Variants in THRA observed in about 807,000 individuals in gnomAD.
The protein encoded by THRA is thyroid hormone receptor alpha, also known as EAR-7.
THRA carries 13 observed loss-of-function variants against 45.0 expected under a neutral mutation model. The observed-to-expected ratio is 0.29, with a 90% CI of 0.19 to 0.46. The LOEUF is 0.46. Ranked by LOEUF, THRA falls within the 20% of genes least tolerant of loss-of-function variation. THRA has a pLI of 1.00. For missense variants in THRA, 278 were observed against 556.1 expected (o/e 0.50, Z 5.03); for synonymous variants, 195 against 214.0 (o/e 0.91, Z 0.78).
At chr17:40,062,852 C>A (rs770437223), upstream of THRA, 897 of 145,090 alleles carry the variant, frequency 6.2e-3, 4 homozygotes, top group Non-Finnish European at 0.01. Flanking sequence ...CCGGGCGCGC[C>A]GAGCCCGAGC....
chr17:40,076,783 G>A, intron 2 of THRA, 88 bp from the exon 3 acceptor site: 1 of 1,385,596 alleles, frequency 7.2e-7, no homozygotes, highest in South Asian at 1.2e-5. Context: ...GAAAGAATCA[G>A]GCCTTGGGGG....
At chr17:40,065,496 CTTGT>C (rs945157236) in intron 1 of THRA, among the ~76,000 whole-genome samples, 11 of 152,172 alleles carry the variant, frequency 7.2e-5, no homozygotes, top group Non-Finnish European at 1.6e-4. Flanking sequence ...TCTCTCTCTC[CTTGT>C]TTCTCTGCCA....
intron 4 of THRA, among the ~76,000 whole-genome samples, chr17:40,082,651 C>G (rs139941206): frequency 6.6e-6 from 1 of 152,032 alleles, no homozygotes; most frequent in South Asian, 2.1e-4. Context: ...CATGAGCCAC[C>G]GCGCCCGGCC....
rs139941206 is a variant in THRA at position 40,082,651 on chromosome 17, C to T, written c.223-1184C>T. On this transcript the variant is annotated intron_variant, in intron 4 of 8. Coordinates refer to ENST00000450525, the MANE Select transcript of THRA (RefSeq NM_199334.5). ...TGCTGGGATTACAGGCATGAGCCAC[C>T]GCGCCCGGCCAAGGGGTGGACCCCG... 1.9e-3 allele frequency among the ~76,000 whole-genome samples: 290 copies of T among 152,138 alleles called. 1 individual carries two copies. The highest frequency in any genetic ancestry group is 6.5e-3 in the African/African-American group (270 of 41,520).
At position 40,083,827 on chromosome 17, in the gene THRA, C is replaced by T. The variant is rs78020205; in HGVS notation, c.223-8C>T. On this transcript the variant is annotated splice_polypyrimidine_tract_variant and splice_region_variant and intron_variant, in intron 4 of 8. Coordinates refer to ENST00000450525, the MANE Select transcript of THRA (RefSeq NM_199334.5). ...TGATCACAGCCTGCTCCATCTCCCC[C>T]ACCCCAGGGCTTCTTTCGCCGCACA... 5,026 of 1,592,578 alleles carry T rather than the reference C, an allele frequency of 3.2e-3. 150 individuals are homozygous for T. In the African/African-American group the frequency reaches 0.061, roughly 19 times the overall value.
At chr17:40,067,935 G>A (rs1285842058) in intron 1 of THRA, among the ~76,000 whole-genome samples, 2 of 152,192 alleles carry the variant, frequency 1.3e-5, no homozygotes, top group Non-Finnish European at 1.5e-5. Context: ...CCGGAGGATC[G>A]CTTAAGCCTG....
At chr17:40,085,637 T>C (rs1415693650) in intron 6 of THRA, among the ~76,000 whole-genome samples, 1 of 149,372 alleles carries the variant, frequency 6.7e-6, no homozygotes, top group Non-Finnish European at 1.5e-5. Flanking sequence ...GCCCACCCTC[T>C]ATGAATAATT....
rs1015613757 is a variant in THRA at position 40,089,079 on chromosome 17, C to T, written c.983-127C>T. On this transcript the variant is annotated intron_variant, in intron 8 of 8. Transcript: ENST00000450525. The surrounding 1 kb of genome is among the most constrained non-coding windows in gnomAD (Gnocchi z 6.1). ...GTCTCTCAGGGGGAGCTTCTCCCCT[C>T]CCCTCCCCCAGCCTCTCTGCCTCTA... 2.9e-5 allele frequency: 25 copies of T among 877,010 alleles called. No individual in the cohort carries two copies. Among genetic ancestry groups the T allele is most frequent in the Non-Finnish European group, 4.2e-5 (24 of 573,816 alleles). The allele number at this position is 877,010 out of a possible 1,614,324, so 54.3% of individuals were successfully genotyped here. A position where few individuals can be genotyped will look rare whatever the true frequency, so the allele number is the denominator to read the frequency against.
At chr17:40,084,840 G>T in intron 6 of THRA, 25 bp downstream of exon 6, 1 of 1,611,306 alleles carries the variant, frequency 6.2e-7, no homozygotes, top group South Asian at 1.1e-5. Context: ...GGCATGGGGA[G>T]AGCAGTAGCC....
rs1411379722 is a variant in THRA, at chr17:40,066,673, AAAAAAAAAAAAGAAAAAC to A, written c.-298+3588_-298+3605del. 4.6e-4 allele frequency among the ~76,000 whole-genome samples: 58 copies of A among 126,408 alleles called. 1 individual carries two copies. The highest frequency in any genetic ancestry group is 9.9e-4 in the South Asian group (4 of 4,056). The allele number at this position is 126,408 out of a possible 152,430, so 82.9% of individuals were successfully genotyped here. ...AGCGAGACTCCGTCTCAAAAAAAAA[AAAAAAAAAAAAGAAAAAC>A]AAAAAAGAACAAGGCATTATCTATC... is the stretch of plus-strand genomic sequence containing the variant. On this transcript the variant is annotated intron_variant, in intron 1 of 8. Coordinates refer to ENST00000450525, the MANE Select transcript of THRA (RefSeq NM_199334.5).
chr17:40,065,778 G>T (rs892162028), intron 1 of THRA, among the ~76,000 whole-genome samples: 3 of 152,072 alleles, frequency 2.0e-5, no homozygotes, highest in South Asian at 4.2e-4. Flanking sequence ...GGGAAGGGGG[G>T]GGGGGTCAGC....
chr17:40,082,216 T>C (rs1987162211), intron 4 of THRA, among the ~76,000 whole-genome samples: 1 of 144,830 alleles, frequency 6.9e-6, no homozygotes. Flanking sequence ...CCTTTTTTTT[T>C]TTTTTTTTTT....
intron 1 of THRA, among the ~76,000 whole-genome samples, chr17:40,064,937 A>G (rs1334179175): frequency 2.0e-5 from 3 of 152,208 alleles, no homozygotes; most frequent in Non-Finnish European, 4.4e-5. Flanking sequence ...ACACAACTGC[A>G]GCCTGTGCAG....
chr17:40,085,069 C>T (rs563952345), intron 6 of THRA, among the ~76,000 whole-genome samples: 2 of 152,310 alleles, frequency 1.3e-5, no homozygotes, highest in African/African-American at 2.4e-5. Context: ...GGAGCGGGAG[C>T]GACCTTTCTT....
intron 1 of THRA, among the ~76,000 whole-genome samples, chr17:40,067,674 G>A (rs1986620164): frequency 1.3e-5 from 2 of 152,154 alleles, no homozygotes; most frequent in Non-Finnish European, 2.9e-5. Context: ...GACAATGGGA[G>A]GATACCCTGT....
In THRA at chr17:40,085,426, T is replaced by TGGGTTCAAGCGATTCTCCC. The variant is rs1567654379; in HGVS notation, c.576+613_576+631dup. 2.1e-5 allele frequency among the ~76,000 whole-genome samples: 3 copies of TGGGTTCAAGCGATTCTCCC among 146,164 alleles called. No individual in the cohort carries two copies. The East Asian group carries it at 6.3e-4, about 30-fold the overall frequency. ...TCGGCTCACCGCAACCTCCGCCTCC[T>TGGGTTCAAGCGATTCTCCC]GGGTTCAAGCGATTCTCCCGCCTCC... On this transcript the variant is annotated intron_variant, in intron 6 of 8. Transcript: ENST00000450525.
chr17:40,078,217 G>A (rs891089052), intron 4 of THRA, among the ~76,000 whole-genome samples: 1 of 152,240 alleles, frequency 6.6e-6, no homozygotes, highest in Admixed American at 6.5e-5. Flanking sequence ...TGTGGCTCAT[G>A]CCTAAAATCC....
intron 1 of THRA, among the ~76,000 whole-genome samples, chr17:40,067,934 C>T (rs1986630158): frequency 6.6e-6 from 1 of 152,182 alleles, no homozygotes; most frequent in Non-Finnish European, 1.5e-5. Context: ...GCCGGAGGAT[C>T]GCTTAAGCCT....
intron 1 of THRA, among the ~76,000 whole-genome samples, chr17:40,072,667 A>C (rs1356832398): frequency 6.6e-6 from 1 of 151,880 alleles, no homozygotes; most frequent in African/African-American, 2.4e-5. Flanking sequence ...TGTCCAGCCC[A>C]ACCCCCGTAG....
Sources: allele counts gnomAD v4.1 joint callset (sites outside exome capture counted in the v4.1 genomes callset), GRCh38; gene constraint gnomAD v4.1.1; non-coding constraint Gnocchi (gnomAD v3.1); transcripts MANE v1.5; gene names NCBI Gene and HGNC (gene_info 2026-07-23, HGNC 2026-07-21).